Variants in DLG2 observed in about 807,000 individuals in gnomAD.
DLG2 encodes disks large homolog 2.
Under a neutral mutation model 132.5 loss-of-function variants are expected in DLG2, and 45 were observed. That is an observed-to-expected ratio of 0.34 (90% CI 0.27 to 0.44). The LOEUF (loss-of-function observed/expected upper bound fraction) is 0.44. Among genes scored for constraint, DLG2 ranks in the 20% least tolerant of loss-of-function variants. The probability of loss-of-function intolerance (pLI) is 1.00; values close to 1 mark genes in which losing one functional copy is unlikely to be tolerated. For synonymous variants in DLG2, 424 were observed against 419.6 expected (o/e 1.01, Z -0.13); for missense variants, 1,045 against 1,196.9 (o/e 0.87, Z 1.87).
At chr11:85,261,800 TGAG>T (rs1430987152) in intron 4 of DLG2, among the ~76,000 whole-genome samples, 4 of 151,968 alleles carry the variant, frequency 2.6e-5, no homozygotes, top group Non-Finnish European at 4.4e-5. Context: ...TAGTGTGTGA[TGAG>T]GAGAAGGGTC....
chr11:83,817,479 A>C (rs976655162), intron 17 of DLG2, among the ~76,000 whole-genome samples: 1 of 152,182 alleles, frequency 6.6e-6, no homozygotes, highest in African/African-American at 2.4e-5. Flanking sequence ...CGAGGAATTG[A>C]GACTTTATTT....
At chr11:85,513,255 A>C (rs1430848494) in intron 3 of DLG2, among the ~76,000 whole-genome samples, 1 of 152,024 alleles carries the variant, frequency 6.6e-6, no homozygotes, top group Non-Finnish European at 1.5e-5. Context: ...ACGTTCAATT[A>C]GCAATGGGAT....
At chr11:85,549,123 G>C (rs1369602793) in intron 3 of DLG2, among the ~76,000 whole-genome samples, 1 of 152,302 alleles carries the variant, frequency 6.6e-6, no homozygotes, top group South Asian at 2.1e-4. Context: ...GGTGGCTTGG[G>C]CGCTGGAGTG....
chr11:84,844,133 G>GTATA (rs1367735607), intron 6 of DLG2, among the ~76,000 whole-genome samples: 12 of 26,014 alleles, frequency 4.6e-4, no homozygotes, highest in East Asian at 3.3e-3. Flanking sequence ...GTGTGTGTGT[G>GTATA]TGTATATATA....
At chr11:85,573,067 G>A (rs1046261461) in intron 3 of DLG2, among the ~76,000 whole-genome samples, 1 of 152,100 alleles carries the variant, frequency 6.6e-6, no homozygotes, top group Non-Finnish European at 1.5e-5. Flanking sequence ...TCTTGATCCT[G>A]CTTTCGCCAT....
chr11:84,399,903 T>C (rs2098823801), intron 7 of DLG2, among the ~76,000 whole-genome samples: 1 of 152,258 alleles, frequency 6.6e-6, no homozygotes, highest in Non-Finnish European at 1.5e-5. Context: ...GCTGTACGTA[T>C]GTCTACTGAT....
chr11:83,965,196 A>T, intron 13 of DLG2, 128 bp downstream of exon 13: 1 of 1,015,448 alleles, frequency 9.8e-7, no homozygotes, highest in East Asian at 2.6e-5. Flanking sequence ...AGTTTAGGAT[A>T]CTCCCTCTGA....
intron 3 of DLG2, among the ~76,000 whole-genome samples, chr11:85,491,071 A>G (rs1030750551): frequency 1.3e-5 from 2 of 152,182 alleles, no homozygotes; most frequent in East Asian, 3.8e-4. Flanking sequence ...AAGATAATAC[A>G]TTATGATCAA....
intron 6 of DLG2, among the ~76,000 whole-genome samples, chr11:84,777,281 GTATATATATATATATATATATA>G (rs71036441): frequency 4.1e-4 from 39 of 95,016 alleles, no homozygotes; most frequent in South Asian, 2.9e-3. Context: ...ATGTGTGTGT[GTATATATATATATATATATATA>G]TATATATATA....
At chr11:83,930,740 G>C (rs2080027988) in intron 14 of DLG2, among the ~76,000 whole-genome samples, 1 of 152,160 alleles carries the variant, frequency 6.6e-6, no homozygotes, top group African/African-American at 2.4e-5. Flanking sequence ...AGTATTTTGT[G>C]AACTAGAATA....
chr11:84,554,870 T>C (rs2099408932), intron 6 of DLG2, among the ~76,000 whole-genome samples: 1 of 152,172 alleles, frequency 6.6e-6, no homozygotes, highest in South Asian at 2.1e-4. Flanking sequence ...ACATATTAAC[T>C]GAAGTCAGAG....
intron 6 of DLG2, among the ~76,000 whole-genome samples, chr11:84,596,200 C>G (rs1030949275): frequency 3.3e-5 from 5 of 151,036 alleles, no homozygotes; most frequent in South Asian, 4.2e-4. Context: ...GTCTCTCTCT[C>G]TCTCTCTCTC....
chr11:85,508,503 T>C (rs995741083), intron 3 of DLG2, among the ~76,000 whole-genome samples: 2 of 152,194 alleles, frequency 1.3e-5, no homozygotes, highest in African/African-American at 4.8e-5. Flanking sequence ...TGTTTTATTT[T>C]TTGTGGTGCT....
intron 8 of DLG2, among the ~76,000 whole-genome samples, chr11:84,243,017 C>CTCTCTCTCTCTCTATATATA (rs542476924): frequency 3.5e-5 from 5 of 142,202 alleles, no homozygotes; most frequent in East Asian, 2.1e-4. Context: ...CTCTCTCTCT[C>CTCTCTCTCTCTCTATATATA]TATATATATA....
intron 20 of DLG2, among the ~76,000 whole-genome samples, chr11:83,534,595 A>C (rs1309747143): frequency 6.6e-6 from 1 of 152,198 alleles, no homozygotes; most frequent in Non-Finnish European, 1.5e-5. Context: ...AGAATATCTG[A>C]GTGGAAACAG....
chr11:84,720,804 A>C (rs1369052112), intron 6 of DLG2: 2 of 152,522 alleles, frequency 1.3e-5, no homozygotes, highest in East Asian at 1.9e-4. Flanking sequence ...CAAGATTGTC[A>C]TGCGAGCTGA....
chr11:85,422,525 C>A (rs2090397801), intron 3 of DLG2, among the ~76,000 whole-genome samples: 1 of 125,294 alleles, frequency 8.0e-6, no homozygotes, highest in African/African-American at 3.2e-5. Flanking sequence ...TCCATTGTTT[C>A]CTGAAGTTTT....
intron 17 of DLG2, among the ~76,000 whole-genome samples, chr11:83,818,419 T>C (rs1010897213): frequency 1.3e-5 from 2 of 152,190 alleles, no homozygotes; most frequent in African/African-American, 4.8e-5. Flanking sequence ...GGTTTTGCCT[T>C]TTCTATGGAA....
chr11:84,911,773 T>A (rs1313924412), intron 6 of DLG2, among the ~76,000 whole-genome samples: 1 of 152,194 alleles, frequency 6.6e-6, no homozygotes, highest in Non-Finnish European at 1.5e-5. Flanking sequence ...TTAATCTAAA[T>A]CTTTTCAGGA....
Sources: gnomAD v4.1 joint callset for allele counts (sites outside exome capture counted in the v4.1 genomes callset) on GRCh38, gnomAD v4.1.1 for gene constraint, MANE v1.5 for transcripts, NCBI Gene and HGNC (gene_info 2026-07-23, HGNC 2026-07-21) for gene names.